Variants in OPA3 observed in about 807,000 individuals in gnomAD.
OPA3 encodes outer mitochondrial membrane lipid metabolism regulator OPA3, also known as optic atrophy 3 protein.
In OPA3, 6 loss-of-function variants were observed where a neutral mutation model predicts 4.0. The ratio of observed to expected loss-of-function variants is 1.51; its 90% CI spans 0.83 to 2.99. OPA3 has a LOEUF of 2.99. OPA3 is among the 30% of genes most tolerant of loss of function. The pLI, the probability that OPA3 is intolerant of heterozygous loss-of-function variation, is 0.00. For synonymous variants in OPA3, 105 were observed against 117.1 expected, an observed-to-expected ratio of 0.90 and a Z score of 0.67; for missense variants, 235 against 256.2, an observed-to-expected ratio of 0.92 and a Z score of 0.56.
chr19:45,553,932 C>A, intron 1 of OPA3, 21 bp from the exon 2 acceptor site: 1 of 1,589,378 alleles, frequency 6.3e-7, no homozygotes, highest in East Asian at 2.3e-5. Context: ...AGAGAGGGGT[C>A]AGGCTGCGCT....
intron 1 of OPA3, among the ~76,000 whole-genome samples, chr19:45,559,166 G>A (rs1034432223): frequency 2.0e-5 from 3 of 151,846 alleles, no homozygotes; most frequent in African/African-American, 7.3e-5. Flanking sequence ...CTACAGGTGT[G>A]AGCCACCGTG....
chr19:45,548,536 T>C lies in OPA3; in HGVS notation c.*4978A>G. Reference sequence around the variant, plus strand: ...GGCAGGGAACACTGGAAAAGAAATGTACGTGTGAGCATCTGTAAGACCCGG... The same window carrying C: ...GGCAGGGAACACTGGAAAAGAAATGCACGTGTGAGCATCTGTAAGACCCGG... On this transcript the variant is annotated 3_prime_UTR_variant, in exon 2 of 2. Transcript: ENST00000263275. 1.0e-6 allele frequency: 1 copy of C among 985,448 alleles called. No individual in the cohort carries two copies. The highest frequency in any genetic ancestry group is 1.2e-6 in the Non-Finnish European group (1 of 829,962). 61.0% of individuals were successfully genotyped at this position (985,448 alleles called of 1,614,324 possible).
chr19:45,570,652 A>G (rs1258874926), intron 1 of OPA3, among the ~76,000 whole-genome samples: 2 of 151,406 alleles, frequency 1.3e-5, no homozygotes, highest in Non-Finnish European at 2.9e-5. Context: ...GAACCACTGC[A>G]CTACAGCCTG....
chr19:45,577,813 G>A (rs2122510391), intron 1 of OPA3, among the ~76,000 whole-genome samples: 1 of 152,222 alleles, frequency 6.6e-6, no homozygotes, highest in East Asian at 1.9e-4. Flanking sequence ...ATCCAATCGG[G>A]GAAGCAATCA....
At chr19:45,528,978 C>T in exon 2 of OPA3, 1 of 1,497,212 alleles carries the variant, frequency 6.7e-7, no homozygotes, top group Non-Finnish European at 9.0e-7. Context: ...CAGGATGGGA[C>T]AGTGCGGAGA....
chr19:45,549,192 A>G lies in OPA3; in HGVS notation c.*4322T>C, dbSNP rs1054135234. On this transcript the variant is annotated 3_prime_UTR_variant, in exon 2 of 2. Transcript: ENST00000263275. Reference sequence around the variant, plus strand: ...AAATTTATTCTAACCCCTCTCCCCAAATTACAAGGTACACAGAATTCTAGC... The same window carrying G: ...AAATTTATTCTAACCCCTCTCCCCAGATTACAAGGTACACAGAATTCTAGC... The G allele has an allele frequency of 2.5e-5, 25 of 985,172 alleles. No individual in the cohort carries two copies. The highest frequency in any genetic ancestry group is 3.0e-5 in the Non-Finnish European group (25 of 829,918). The allele number at this position is 985,172 out of a possible 1,614,324, so 61.0% of individuals were successfully genotyped here.
chr19:45,563,675 C>T (rs1424001596), intron 1 of OPA3, among the ~76,000 whole-genome samples: 1 of 151,760 alleles, frequency 6.6e-6, no homozygotes, highest in African/African-American at 2.4e-5. Context: ...CCCACCTCAG[C>T]CTCCCAAGTA....
chr19:45,574,421 A>G (rs905745770), intron 1 of OPA3, among the ~76,000 whole-genome samples: 19 of 151,842 alleles, frequency 1.3e-4, no homozygotes, highest in Admixed American at 5.9e-4. Context: ...AAAAGAAAAA[A>G]AAAACGGATT....
downstream of OPA3, among the ~76,000 whole-genome samples, chr19:45,543,310 C>T (rs535808763): frequency 1.4e-5 from 2 of 144,222 alleles, no homozygotes; most frequent in South Asian, 4.4e-4. Flanking sequence ...CACAACTGGC[C>T]TATTTTTATT....
chr19:45,545,076 A>C (rs140614204), downstream of OPA3, among the ~76,000 whole-genome samples: 659 of 150,722 alleles, frequency 4.4e-3, 8 homozygotes, highest in African/African-American at 0.015. Context: ...GAGGCAGGAG[A>C]ATCACTTGAA....
At chr19:45,537,316 A>G (rs866555170) in intron 1 of OPA3, among the ~76,000 whole-genome samples, 1 of 143,026 alleles carries the variant, frequency 7.0e-6, no homozygotes, top group Non-Finnish European at 1.5e-5. Context: ...AGGATCACTT[A>G]AGCCCGAGAG....
chr19:45,534,456 G>A (rs923129521), intron 1 of OPA3, among the ~76,000 whole-genome samples: 2 of 150,190 alleles, frequency 1.3e-5, no homozygotes, highest in Non-Finnish European at 3.0e-5. Flanking sequence ...CAGTACTTTC[G>A]AGGCTGAAGC....
At chr19:45,529,202 G>T (rs1969030272) in exon 2 of OPA3, 2 of 1,611,530 alleles carry the variant, frequency 1.2e-6, no homozygotes, top group Non-Finnish European at 8.5e-7. Context: ...AACTCCTCGA[G>T]CGCCAGCCCC....
rs895926052 is a variant in OPA3, at chr19:45,547,280, T to G, written c.*6234A>C. 6.6e-6 allele frequency: 1 copy of G among 152,316 alleles called. No homozygotes were observed. The highest frequency in any genetic ancestry group is 2.1e-4 in the South Asian group (1 of 4,824). 9.4% of individuals were successfully genotyped at this position (152,316 alleles called of 1,614,324 possible). A position where few individuals can be genotyped will look rare whatever the true frequency, so the allele number is the denominator to read the frequency against. On this transcript the variant is annotated 3_prime_UTR_variant, in exon 2 of 2. Transcript: ENST00000263275. The stretch of plus-strand genomic sequence containing the variant: ...TACTCTATTCCAGGGGATGGTAAAC[T>G]TTTTCTGTAAAGGGCCAGAGAGTAC...
rs1230574991 is a variant in OPA3 at position 45,548,658 on chromosome 19, TTTA to T, written c.*4853_*4855del. On this transcript the variant is annotated 3_prime_UTR_variant, in exon 2 of 2. Coordinates refer to ENST00000263275, the MANE Select transcript of OPA3 (RefSeq NM_025136.4). Reference sequence around the variant, plus strand: ...TCAGTGAGTTTTGTGTTTTATTTTTTTTATTTTTTTTTTTTTTGCGGGAGACGC... The same window carrying T: ...TCAGTGAGTTTTGTGTTTTATTTTTTTTTTTTTTTTTTTTGCGGGAGACGC... The T allele has an allele frequency of 5.9e-5, 54 of 908,746 alleles. No individual in the cohort carries two copies. Among genetic ancestry groups the T allele is most frequent in the East Asian group, 2.0e-4 (1 of 4,908 alleles). 56.3% of individuals were successfully genotyped at this position (908,746 alleles called of 1,614,324 possible).
chr19:45,554,814 C>T (rs764100419), intron 1 of OPA3, among the ~76,000 whole-genome samples: 12 of 152,158 alleles, frequency 7.9e-5, no homozygotes, highest in Non-Finnish European at 1.5e-4. Flanking sequence ...GTTTTAGAGA[C>T]GGAGTCTCAC....
chr19:45,580,893 G>A lies in OPA3; in HGVS notation c.142+3730C>T, dbSNP rs917022169. Among the ~76,000 whole-genome samples, 9 of 152,278 alleles carry A rather than the reference G, an allele frequency of 5.9e-5. No homozygotes were observed. The South Asian group carries it at 1.0e-3, about 18-fold the overall frequency. ...CGCCTTCCAAAGTGCTGGGATTACA[G>A]GCATGAGCCACTGCGCCCAGCTCCA... On this transcript the variant is annotated intron_variant, in intron 1 of 1. Transcript: ENST00000263275.
At chr19:45,572,318 G>T (rs1327821665) in intron 1 of OPA3, among the ~76,000 whole-genome samples, 1 of 125,424 alleles carries the variant, frequency 8.0e-6, no homozygotes, top group African/African-American at 2.9e-5. Flanking sequence ...CGACATATAT[G>T]AGATATATAT....
At chr19:45,572,970 C>A (rs530994043) in intron 1 of OPA3, among the ~76,000 whole-genome samples, 1 of 151,390 alleles carries the variant, frequency 6.6e-6, no homozygotes, top group East Asian at 2.0e-4. Context: ...TGCTTAGATA[C>A]AATTAGGTAC....
Sources: allele counts gnomAD v4.1 joint callset (sites outside exome capture counted in the v4.1 genomes callset), GRCh38; gene constraint gnomAD v4.1.1; transcripts MANE v1.5; gene names NCBI Gene and HGNC (gene_info 2026-07-23, HGNC 2026-07-21).